The following CADM2 variants were observed in gnomAD, a reference collection of about 807,000 sequenced individuals.
CADM2 encodes the protein cell adhesion molecule 2.
CADM2 carries 12 observed loss-of-function variants against 49.8 expected under a neutral mutation model. That is an observed-to-expected ratio of 0.24 (90% confidence interval 0.15 to 0.39). The LOEUF is 0.39. Among genes scored for constraint, CADM2 ranks in the 10% least tolerant of loss-of-function variants. The probability of loss-of-function intolerance (pLI) is 1.00; values close to 1 mark genes in which losing one functional copy is unlikely to be tolerated. For synonymous variants in CADM2, 214 were observed against 175.4 expected (o/e 1.22, Z -1.74); for missense variants, 378 against 492.3 (o/e 0.77, Z 2.20).
chr3:85,473,596 A>C (rs138225438), intron 1 of CADM2, among the ~76,000 whole-genome samples: 3 of 152,100 alleles, frequency 2.0e-5, no homozygotes, highest in Non-Finnish European at 4.4e-5. Context: ...AGGTTTACCA[A>C]ATCTTCACTC....
At chr3:85,446,650 T>G (rs2037468758) in intron 1 of CADM2, among the ~76,000 whole-genome samples, 1 of 146,554 alleles carries the variant, frequency 6.8e-6, no homozygotes, top group Non-Finnish European at 1.5e-5. Context: ...TTGCCCAGAC[T>G]GGAGTACAAG....
chr3:85,277,256 G>T (rs1006374783), intron 1 of CADM2, among the ~76,000 whole-genome samples: 20 of 151,266 alleles, frequency 1.3e-4, no homozygotes, highest in African/African-American at 4.6e-4. Context: ...TATACAATGA[G>T]AAAAATGATC....
intron 6 of CADM2, among the ~76,000 whole-genome samples, chr3:85,920,931 A>G (rs1420303422): frequency 6.6e-6 from 1 of 151,746 alleles, no homozygotes; most frequent in African/African-American, 2.4e-5. Context: ...TCAAGTACGC[A>G]TTTATAAAAC....
intron 3 of CADM2, among the ~76,000 whole-genome samples, chr3:85,830,773 T>C (rs1212140733): frequency 6.6e-6 from 1 of 151,364 alleles, no homozygotes; most frequent in Non-Finnish European, 1.5e-5. Context: ...TATTTTGTTT[T>C]TGGTCAGAAG....
At position 85,961,578 on chromosome 3, in the gene CADM2, G is replaced by A; in HGVS notation, c.901G>A (p.Gly301Ser). 1 of 1,609,480 alleles carries A rather than the reference G, an allele frequency of 6.2e-7. No individual in the cohort carries two copies. Among genetic ancestry groups the A allele is most frequent in the Non-Finnish European group, 8.5e-7 (1 of 1,176,844 alleles). ...TCTTTTCCTGAACAAAACGGATAAT[G>A]GTACATATCGATGTGAAGCCACAAA... ...NILFLNKTDN[G>S]TYRCEATNTI... The change falls in exon 8 of 10, where the codon GGT becomes AGT. Residue 301 changes from glycine (G) to serine (S), a missense_variant. Gly to Ser is a moderately conservative substitution (Grantham distance 56). Coordinates refer to ENST00000383699, the MANE Select transcript of CADM2 (RefSeq NM_001167675.2).
chr3:85,679,786 T>C (rs1247232436), intron 1 of CADM2, among the ~76,000 whole-genome samples: 1 of 152,200 alleles, frequency 6.6e-6, no homozygotes, highest in African/African-American at 2.4e-5. Context: ...TGTTGTCAGC[T>C]GGCTTTATTT....
At chr3:84,978,744 T>G (rs1297342074) in intron 1 of CADM2, among the ~76,000 whole-genome samples, 1 of 152,198 alleles carries the variant, frequency 6.6e-6, no homozygotes, top group Non-Finnish European at 1.5e-5. Flanking sequence ...TTTTAAGTCA[T>G]GGAATTATAA....
chr3:85,904,090 C>T (rs1716479527), intron 5 of CADM2, among the ~76,000 whole-genome samples: 1 of 152,118 alleles, frequency 6.6e-6, no homozygotes. Context: ...TTGAACTTCC[C>T]CCAACTCTGT....
At chr3:85,264,116 G>T (rs578261974) in intron 1 of CADM2, among the ~76,000 whole-genome samples, 1 of 152,144 alleles carries the variant, frequency 6.6e-6, no homozygotes, top group East Asian at 1.9e-4. Flanking sequence ...TTTGCTCCCT[G>T]CTTATAACCA....
intron 1 of CADM2, among the ~76,000 whole-genome samples, chr3:85,200,290 T>C (rs959285599): frequency 2.6e-5 from 4 of 152,190 alleles, no homozygotes; most frequent in Non-Finnish European, 5.9e-5. Flanking sequence ...TGTTTTCCCT[T>C]GACTTTCCTT....
chr3:85,925,437 T>C (rs1719703529), intron 6 of CADM2, among the ~76,000 whole-genome samples: 1 of 152,174 alleles, frequency 6.6e-6, no homozygotes, highest in Non-Finnish European at 1.5e-5. Context: ...TAATTTTCAG[T>C]ATTAAGAAAT....
chr3:85,298,207 T>C (rs542115737), intron 1 of CADM2, among the ~76,000 whole-genome samples: 1 of 152,072 alleles, frequency 6.6e-6, no homozygotes, highest in Non-Finnish European at 1.5e-5. Flanking sequence ...ACTATGTTGA[T>C]GCTACTGATG....
chr3:85,499,679 A>G (rs1371217823), intron 1 of CADM2, among the ~76,000 whole-genome samples: 2 of 152,054 alleles, frequency 1.3e-5, no homozygotes, highest in East Asian at 1.9e-4. Context: ...CCTTTTTAAG[A>G]TACAGTTGGG....
chr3:84,981,872 C>A (rs1329151341), intron 1 of CADM2, among the ~76,000 whole-genome samples: 3 of 152,138 alleles, frequency 2.0e-5, no homozygotes, highest in Admixed American at 6.5e-5. Flanking sequence ...TTGCCAAAGT[C>A]TACGGGGTGA....
intron 1 of CADM2, among the ~76,000 whole-genome samples, chr3:85,655,193 C>T (rs72913172): frequency 2.7e-5 from 4 of 150,028 alleles, no homozygotes; most frequent in Admixed American, 1.3e-4. Context: ...CTCACTGTAT[C>T]GCCCAGGCTG....
At chr3:85,048,040 A>T (rs897525274) in intron 1 of CADM2, among the ~76,000 whole-genome samples, 1 of 152,118 alleles carries the variant, frequency 6.6e-6, no homozygotes, top group African/African-American at 2.4e-5. Context: ...CATGTTCTAT[A>T]TTTTCGGGAA....
chr3:85,214,799 C>T (rs2041882426), intron 1 of CADM2, among the ~76,000 whole-genome samples: 1 of 151,916 alleles, frequency 6.6e-6, no homozygotes, highest in African/African-American at 2.4e-5. Context: ...CCCAGGGGCT[C>T]TTCAGTCAGC....
chr3:85,215,758 A>AT (rs1218460409), intron 1 of CADM2, among the ~76,000 whole-genome samples: 1 of 152,118 alleles, frequency 6.6e-6, no homozygotes, highest in Non-Finnish European at 1.5e-5. Flanking sequence ...GCTAGGGTAG[A>AT]TGATTCACCT....
At chr3:85,471,459 A>G (rs2038760298) in intron 1 of CADM2, among the ~76,000 whole-genome samples, 1 of 152,128 alleles carries the variant, frequency 6.6e-6, no homozygotes, top group Non-Finnish European at 1.5e-5. Context: ...TAGTGAAAAG[A>G]CAGAGAAAAC....
Sources: allele counts gnomAD v4.1 joint callset (sites outside exome capture counted in the v4.1 genomes callset), GRCh38; gene constraint gnomAD v4.1.1; transcripts MANE v1.5; gene names NCBI Gene and HGNC (gene_info 2026-07-23, HGNC 2026-07-21).